Variants in PRKCZ observed in about 807,000 individuals in gnomAD.
PRKCZ encodes the protein protein kinase C zeta, also known as protein kinase C zeta type.
In PRKCZ, 33 loss-of-function variants were observed where a neutral mutation model predicts 79.5. The ratio of observed to expected loss-of-function variants is 0.41; its 90% CI spans 0.31 to 0.55. The LOEUF (loss-of-function observed/expected upper bound fraction) is 0.55. Among genes scored for constraint, PRKCZ ranks in the 20% least tolerant of loss-of-function variants. The pLI is 0.19. For synonymous variants in PRKCZ, 342 were observed against 320.9 expected (o/e 1.07, Z -0.70); for missense variants, 578 against 813.5 (o/e 0.71, Z 3.52).
rs140023738 is a variant in PRKCZ, at chr1:2,057,593, C to T, written c.283+1020C>T. On this transcript the variant is annotated intron_variant, in intron 3 of 17. Transcript: ENST00000378567. ...CTAAATTTAAAGACTAGGCCGGGTGCGGTGGCTCACAACTGTAATCCCAGC... is the reference window on the plus strand; with the variant it reads ...CTAAATTTAAAGACTAGGCCGGGTGTGGTGGCTCACAACTGTAATCCCAGC... Among the ~76,000 whole-genome samples the T allele has an allele frequency of 8.3e-3, 1,257 of 152,242 alleles. 60 individuals carry two copies. The East Asian group carries it at 0.13, about 16-fold the overall frequency.
chr1:2,179,407 G>A (rs1390281221), intron 16 of PRKCZ, among the ~76,000 whole-genome samples: 3 of 152,190 alleles, frequency 2.0e-5, no homozygotes, highest in Non-Finnish European at 4.4e-5. Context: ...CAGGATCCCC[G>A]GTACTTGGCA....
At chr1:2,088,073 G>T (rs1664848013) in intron 4 of PRKCZ, among the ~76,000 whole-genome samples, 1 of 152,234 alleles carries the variant, frequency 6.6e-6, no homozygotes, top group African/African-American at 2.4e-5. Context: ...CTGTGTGGGT[G>T]GGGGCCTCGG....
At chr1:2,114,631 G>A (rs1243267113) in intron 4 of PRKCZ, among the ~76,000 whole-genome samples, 2 of 152,108 alleles carry the variant, frequency 1.3e-5, no homozygotes, top group African/African-American at 2.4e-5. Context: ...AAAATTAGCC[G>A]AGTGTGGTGG....
chr1:2,061,054 G>A (rs746005737), intron 4 of PRKCZ, among the ~76,000 whole-genome samples: 1 of 152,214 alleles, frequency 6.6e-6, no homozygotes, highest in Non-Finnish European at 1.5e-5. Flanking sequence ...CCTCCACAGC[G>A]CCCTGCAGCC....
intron 4 of PRKCZ, among the ~76,000 whole-genome samples, chr1:2,111,166 G>C (rs1669672653): frequency 6.6e-6 from 1 of 152,130 alleles, no homozygotes; most frequent in African/African-American, 2.4e-5. Context: ...TGTGGGGCTG[G>C]CTGTGCGTGT....
chr1:2,110,734 G>A (rs1188962948), intron 4 of PRKCZ, among the ~76,000 whole-genome samples: 1 of 151,538 alleles, frequency 6.6e-6, no homozygotes, highest in East Asian at 1.9e-4. Context: ...GGTGGGGTGG[G>A]CTGGGTCCTG....
chr1:2,159,145 G>A (rs557629586), intron 10 of PRKCZ, among the ~76,000 whole-genome samples: 4 of 152,252 alleles, frequency 2.6e-5, no homozygotes, highest in East Asian at 1.9e-4. Context: ...GGGGAGGACC[G>A]GCAGCTGCCT....
At chr1:2,102,079 C>T (rs545620141) in intron 4 of PRKCZ, among the ~76,000 whole-genome samples, 32 of 152,194 alleles carry the variant, frequency 2.1e-4, no homozygotes, top group Admixed American at 8.5e-4. Context: ...CCCCGGTCAC[C>T]GCTCCTACCC....
At chr1:2,069,779 T>A (rs1172554715) in intron 4 of PRKCZ, among the ~76,000 whole-genome samples, 1 of 152,168 alleles carries the variant, frequency 6.6e-6, no homozygotes, top group Non-Finnish European at 1.5e-5. Flanking sequence ...GGGTGGATGC[T>A]ATAGGCAGCA....
Position 2,094,709 on chromosome 1 carries a change from G to C in PRKCZ, c.334+35118G>C, listed in dbSNP as rs1403561565. 2.0e-5 allele frequency among the ~76,000 whole-genome samples: 3 copies of C among 150,330 alleles called. No individual in the cohort carries two copies. Among genetic ancestry groups the C allele is most frequent in the Non-Finnish European group, 4.4e-5 (3 of 67,562 alleles). Reference sequence around the variant, plus strand: ...AGGCGCCCGCTGTGCCCGGCTCGTTGAACCTTGGGCGCTGCCCGTTCTGAG... The same window carrying C: ...AGGCGCCCGCTGTGCCCGGCTCGTTCAACCTTGGGCGCTGCCCGTTCTGAG... On this transcript the variant is annotated intron_variant, in intron 4 of 17. Transcript: ENST00000378567. The surrounding 1 kb of genome is among the most constrained non-coding windows in gnomAD (Gnocchi z 7.3).
chr1:2,116,943 T>C (rs1416203617), intron 4 of PRKCZ, among the ~76,000 whole-genome samples: 1 of 151,956 alleles, frequency 6.6e-6, no homozygotes, highest in Non-Finnish European at 1.5e-5. Context: ...TTGATTGGGG[T>C]TTTTTTGGCA....
At position 2,178,818 on chromosome 1, in the gene PRKCZ, C is replaced by A. The variant is rs1685979164; in HGVS notation, c.1575+3505C>A. On this transcript the variant is annotated intron_variant, in intron 16 of 17. Transcript: ENST00000378567. This position sits in a 1 kb window ranked among gnomAD's most constrained non-coding sequence, Gnocchi z 4.3. ...CCACCTGTGGACTCAGGGTCTCTTT[C>A]ACGGACTGCGGGGAAGGCAGTGGGA... Among the ~76,000 whole-genome samples, 1 of 152,180 alleles carries A rather than the reference C, an allele frequency of 6.6e-6. No individual in the cohort carries two copies. Among genetic ancestry groups the A allele is most frequent in the Non-Finnish European group, 1.5e-5 (1 of 68,040 alleles).
chr1:2,087,800 C>T (rs752842747), intron 4 of PRKCZ, among the ~76,000 whole-genome samples: 14 of 152,180 alleles, frequency 9.2e-5, no homozygotes, highest in Non-Finnish European at 1.9e-4. Flanking sequence ...AGAAAATGCC[C>T]GACTCTGGAA....
chr1:2,155,277 GTGA>G (rs148522377), intron 9 of PRKCZ, among the ~76,000 whole-genome samples: 15,099 of 150,694 alleles, frequency 0.1, 800 homozygotes, highest in African/African-American at 0.13. Context: ...GACGGTGGTG[GTGA>G]TGATGATGGT....
intron 10 of PRKCZ, among the ~76,000 whole-genome samples, chr1:2,162,972 T>C (rs1443746194): frequency 6.6e-6 from 1 of 152,184 alleles, no homozygotes; most frequent in African/African-American, 2.4e-5. Flanking sequence ...GTAGTAACTT[T>C]CAGGTGGTTT....
intron 4 of PRKCZ, among the ~76,000 whole-genome samples, chr1:2,101,248 T>C (rs1168332070): frequency 6.6e-6 from 1 of 152,188 alleles, no homozygotes; most frequent in Non-Finnish European, 1.5e-5. Context: ...TTTGTGTATT[T>C]GGTTACTAAA....
chr1:2,071,361 G>C, intron 4 of PRKCZ: 1 of 464,024 alleles, frequency 2.2e-6, no homozygotes, highest in South Asian at 1.5e-5. Flanking sequence ...CGGCGTCTGA[G>C]AGGAGGCGGC....
intron 4 of PRKCZ, among the ~76,000 whole-genome samples, chr1:2,095,023 C>G (rs1666212177): frequency 6.6e-6 from 1 of 152,186 alleles, no homozygotes; most frequent in Admixed American, 6.5e-5. Context: ...GACTGTCACC[C>G]CAGCCCCCCA....
chr1:2,102,626 C>T (rs1016358561), intron 4 of PRKCZ, among the ~76,000 whole-genome samples: 6 of 152,168 alleles, frequency 3.9e-5, no homozygotes, highest in Non-Finnish European at 5.9e-5. Flanking sequence ...GCCACCGTGC[C>T]CGGCCCTCGT....
Sources: allele counts gnomAD v4.1 joint callset (sites outside exome capture counted in the v4.1 genomes callset), GRCh38; gene constraint gnomAD v4.1.1; non-coding constraint Gnocchi (gnomAD v3.1); transcripts MANE v1.5; gene names NCBI Gene and HGNC (gene_info 2026-07-23, HGNC 2026-07-21).